Variants in ABCA13 observed in about 807,000 individuals in gnomAD.
ABCA13 encodes ATP binding cassette subfamily A member 13.
Under a neutral mutation model 478.7 loss-of-function variants are expected in ABCA13, and 476 were observed. The observed-to-expected ratio is 0.99, with a 90% confidence interval of 0.92 to 1.07. ABCA13 has a LOEUF of 1.07. Among genes scored for constraint, ABCA13 ranks in the 50% least tolerant of loss-of-function variants. The probability of loss-of-function intolerance (pLI) is 0.00; values close to 1 mark genes in which losing one functional copy is unlikely to be tolerated. For missense variants in ABCA13, 6,060 were observed against 5,910.6 expected, an observed-to-expected ratio of 1.03 and a Z score of -0.83; for synonymous variants, 2,252 against 2,158.9, an observed-to-expected ratio of 1.04 and a Z score of -1.20.
chr7:48,535,700 G>T (rs1833522781), intron 55 of ABCA13, among the ~76,000 whole-genome samples: 1 of 152,120 alleles, frequency 6.6e-6, no homozygotes, highest in Non-Finnish European at 1.5e-5. Context: ...CAGTGGGGGT[G>T]GGTGTGTGGT....
intron 11 of ABCA13, 58 bp downstream of exon 11, chr7:48,244,761 T>C (rs1584410270): frequency 1.3e-6 from 2 of 1,523,866 alleles, no homozygotes; most frequent in Non-Finnish European, 1.8e-6. Flanking sequence ...GTGAAATTTA[T>C]TGGAAAATGG....
intron 54 of ABCA13, among the ~76,000 whole-genome samples, chr7:48,525,930 C>G (rs984463341): frequency 1.3e-4 from 19 of 151,882 alleles, no homozygotes; most frequent in Non-Finnish European, 2.5e-4. Flanking sequence ...GTGTTGTTCC[C>G]CTCCCTGTGC....
intron 59 of ABCA13, among the ~76,000 whole-genome samples, chr7:48,634,677 G>A (rs1324131682): frequency 6.6e-6 from 1 of 151,630 alleles, no homozygotes; most frequent in Non-Finnish European, 1.5e-5. Flanking sequence ...CTTGCTTTAG[G>A]TTTAGTTTGC....
Position 48,600,966 on chromosome 7 carries a change from T to C in ABCA13, c.14744+6153T>C, listed in dbSNP as rs746313333. On this transcript the variant is annotated intron_variant, in intron 58 of 61. Transcript: ENST00000435803. ...TTTTGGTCTTCCATTACGTGTATGT[T>C]GAAACTCTGATCTTATCGCACAAGT... 3.5e-3 allele frequency among the ~76,000 whole-genome samples: 531 copies of C among 152,268 alleles called. 3 individuals carry two copies. Among genetic ancestry groups the C allele is most frequent in the Non-Finnish European group, 1.6e-3 (106 of 68,016 alleles).
chr7:48,221,025 C>A (rs1053388457), intron 4 of ABCA13, among the ~76,000 whole-genome samples: 1 of 152,018 alleles, frequency 6.6e-6, no homozygotes, highest in Non-Finnish European at 1.5e-5. Flanking sequence ...TAATACAATA[C>A]CCTTTGGCAA....
chr7:48,398,282 C>CA (rs1285719114), intron 38 of ABCA13, among the ~76,000 whole-genome samples: 1 of 152,186 alleles, frequency 6.6e-6, no homozygotes, highest in East Asian at 1.9e-4. Context: ...TTAAATCAAA[C>CA]ACCTAACAAT....
intron 2 of ABCA13, among the ~76,000 whole-genome samples, chr7:48,193,280 A>G (rs143298995): frequency 0.66 from 100,121 of 152,096 alleles, 34,598 homozygotes; most frequent in Non-Finnish European, 0.78. Context: ...ACATAGATTT[A>G]TTCTTCCAAT....
intron 50 of ABCA13, among the ~76,000 whole-genome samples, chr7:48,508,702 C>T (rs984814214): frequency 8.5e-5 from 13 of 152,182 alleles, no homozygotes; most frequent in Admixed American, 1.3e-4. Flanking sequence ...TGCCCTCATA[C>T]ATATGATTCA....
At chr7:48,185,230 A>G (rs893175723) in intron 1 of ABCA13, among the ~76,000 whole-genome samples, 1 of 152,204 alleles carries the variant, frequency 6.6e-6, no homozygotes, top group Non-Finnish European at 1.5e-5. Flanking sequence ...CAAGTCTCCA[A>G]ATATGCACAG....
At position 48,239,320 on chromosome 7, in the gene ABCA13, G is replaced by T. The variant is rs549984444; in HGVS notation, c.977G>T (p.Gly326Val). Residue 326 changes from glycine (G) to valine (V), a missense_variant, in exon 9 of 62, where the codon GGC becomes GTC. Gly to Val is a moderately radical substitution (Grantham distance 109). This residue lies in a region of ABCA13 where 4,423 missense variants were observed against 4,309.1 expected (regional missense o/e 1.03). Transcript: ENST00000435803. ...TCAGAGGATGAAGCTGAGAAATGGG[G>T]CCACGTTGGAGGCTGCCACCCTAAG... Reference protein sequence around the residue: ...STSEDEAEKWGHVGGCHPKWS... With the variant: ...STSEDEAEKWVHVGGCHPKWS... 1.9e-6 allele frequency: 3 copies of T among 1,613,962 alleles called. No homozygotes were observed. Among genetic ancestry groups the T allele is most frequent in the Admixed American group, 1.7e-5 (1 of 60,028 alleles).
chr7:48,463,141 T>C (rs1368656), intron 43 of ABCA13, among the ~76,000 whole-genome samples: 132,654 of 152,206 alleles, frequency 0.87, 58,068 homozygotes, highest in African/African-American at 0.95. Context: ...TTGTTTTTAA[T>C]TTTAAAGTGT....
chr7:48,442,151 G>T (rs1823691516), intron 42 of ABCA13, among the ~76,000 whole-genome samples: 1 of 152,196 alleles, frequency 6.6e-6, no homozygotes, highest in South Asian at 2.1e-4. Context: ...CGAGCTGCTG[G>T]GTTGAGGAAT....
intron 59 of ABCA13, among the ~76,000 whole-genome samples, chr7:48,635,155 C>T (rs1794524188): frequency 6.6e-6 from 1 of 150,614 alleles, no homozygotes; most frequent in Non-Finnish European, 1.5e-5. Flanking sequence ...CTCCCAATTG[C>T]CTTTCACCAC....
chr7:48,502,893 G>T (rs999942457), intron 48 of ABCA13, among the ~76,000 whole-genome samples: 9 of 152,092 alleles, frequency 5.9e-5, no homozygotes, highest in African/African-American at 2.2e-4. Flanking sequence ...AGTTTGAAAG[G>T]ACTTAGAGTT....
chr7:48,303,493 A>G (rs1035133756), intron 23 of ABCA13, among the ~76,000 whole-genome samples: 27 of 152,286 alleles, frequency 1.8e-4, no homozygotes. Flanking sequence ...TCTTTAACCC[A>G]TCTTGAGTTG....
At chr7:48,317,084 G>A in intron 26 of ABCA13, 73 bp from the exon 27 acceptor site, 3 of 1,514,136 alleles carry the variant, frequency 2.0e-6, no homozygotes, top group Non-Finnish European at 2.6e-6. Context: ...TCCTGGATAT[G>A]TGAATGAATT....
chr7:48,367,949 A>G, intron 32 of ABCA13, 41 bp downstream of exon 32: 2 of 1,485,032 alleles, frequency 1.3e-6, no homozygotes, highest in Non-Finnish European at 1.8e-6. Context: ...AAAGATAGGG[A>G]GGCTGGGGAC....
intron 58 of ABCA13, among the ~76,000 whole-genome samples, chr7:48,598,329 C>A (rs1402003194): frequency 2.0e-5 from 3 of 152,174 alleles, no homozygotes; most frequent in Non-Finnish European, 4.4e-5. Context: ...ATCCACTCAT[C>A]CGCTGAACCA....
intron 21 of ABCA13, among the ~76,000 whole-genome samples, chr7:48,296,564 A>G (rs1799402720): frequency 6.7e-6 from 1 of 149,784 alleles, no homozygotes; most frequent in African/African-American, 2.5e-5. Context: ...GGTTCACGCC[A>G]TTCTCCCTCC....
Sources: gnomAD v4.1 joint callset for allele counts (sites outside exome capture counted in the v4.1 genomes callset) on GRCh38, gnomAD v4.1.1 for gene constraint, gnomAD v4.1.1 regional missense constraint, MANE v1.5 for transcripts, NCBI Gene and HGNC (gene_info 2026-07-23, HGNC 2026-07-21) for gene names.